Variants in LUZP2 observed in about 807,000 individuals in gnomAD.
The protein encoded by LUZP2 is leucine zipper protein 2.
LUZP2 carries 52 observed loss-of-function variants against 51.6 expected under a neutral mutation model. That is an observed-to-expected ratio of 1.01 (90% CI 0.81 to 1.27). The LOEUF is 1.27. LUZP2 is among the 50% of genes most tolerant of loss of function. The pLI is 0.00. For missense variants in LUZP2, 436 were observed against 395.4 expected (o/e 1.10, Z -0.87); for synonymous variants, 154 against 137.3 (o/e 1.12, Z -0.85).
chr11:24,977,672 T>A (rs1855916000), intron 8 of LUZP2, among the ~76,000 whole-genome samples: 1 of 151,628 alleles, frequency 6.6e-6, no homozygotes, highest in Non-Finnish European at 1.5e-5. Flanking sequence ...TACATATGTA[T>A]GTATACATAC....
At chr11:24,697,840 T>C (rs567838406) in intron 1 of LUZP2, among the ~76,000 whole-genome samples, 1 of 152,302 alleles carries the variant, frequency 6.6e-6, no homozygotes, top group South Asian at 2.1e-4. Flanking sequence ...AAGGTTGGTC[T>C]TGAGATATTT....
chr11:24,971,650 A>T (rs1420094950), intron 7 of LUZP2, among the ~76,000 whole-genome samples: 1 of 152,190 alleles, frequency 6.6e-6, no homozygotes, highest in Non-Finnish European at 1.5e-5. Flanking sequence ...TTAAAAAAAA[A>T]TTATAAAAAA....
chr11:24,519,512 T>A (rs1312843090), intron 1 of LUZP2, among the ~76,000 whole-genome samples: 1 of 152,208 alleles, frequency 6.6e-6, no homozygotes, highest in African/African-American at 2.4e-5. Flanking sequence ...TCTCCAGAAA[T>A]GAAATTGTGT....
chr11:25,057,680 G>A (rs1440882698), intron 10 of LUZP2, among the ~76,000 whole-genome samples: 3 of 152,050 alleles, frequency 2.0e-5, no homozygotes, highest in Non-Finnish European at 4.4e-5. Flanking sequence ...ACTCCTATAA[G>A]TAGCAAACAT....
intron 1 of LUZP2, among the ~76,000 whole-genome samples, chr11:24,627,589 A>T (rs534566106): frequency 2.0e-5 from 3 of 152,358 alleles, no homozygotes; most frequent in African/African-American, 7.2e-5. Flanking sequence ...GTAGAGGCAG[A>T]ACATGAAATC....
chr11:24,628,824 G>A (rs760429044), intron 1 of LUZP2, among the ~76,000 whole-genome samples: 15 of 152,216 alleles, frequency 9.9e-5, no homozygotes, highest in African/African-American at 3.6e-4. Flanking sequence ...CTCCCAAAAT[G>A]CTGGGATTAC....
At chr11:24,930,593 T>C (rs1416965833) in intron 7 of LUZP2, among the ~76,000 whole-genome samples, 1 of 152,188 alleles carries the variant, frequency 6.6e-6, no homozygotes, top group African/African-American at 2.4e-5. Flanking sequence ...AAGAAATCTG[T>C]TGTTAATCTG....
intron 9 of LUZP2, among the ~76,000 whole-genome samples, chr11:25,024,782 T>C (rs1005264172): frequency 6.7e-5 from 10 of 149,750 alleles, no homozygotes; most frequent in Admixed American, 4.0e-4. Flanking sequence ...CTTCACAGAA[T>C]TGGAAAAAAC....
At chr11:25,005,806 A>T (rs1030105979) in intron 9 of LUZP2, among the ~76,000 whole-genome samples, 1 of 152,236 alleles carries the variant, frequency 6.6e-6, no homozygotes, top group Middle Eastern at 3.4e-3. Flanking sequence ...GTCCTCTTAG[A>T]CCACAAAGAA....
At chr11:24,949,310 ATCTATCTATCTATCTATCTATCTC>A (rs779859929) in intron 7 of LUZP2, among the ~76,000 whole-genome samples, 2,772 of 123,216 alleles carry the variant, frequency 0.022, 35 homozygotes, top group Non-Finnish European at 0.029. Flanking sequence ...CTATCTATCT[ATCTATCTATCTATCTATCTATCTC>A]TCTATCTATC....
chr11:24,816,663 C>T (rs1011298785), intron 5 of LUZP2, among the ~76,000 whole-genome samples: 1 of 152,010 alleles, frequency 6.6e-6, no homozygotes, highest in Non-Finnish European at 1.5e-5. Flanking sequence ...AAATGTTTTA[C>T]AAACATTAGT....
intron 1 of LUZP2, among the ~76,000 whole-genome samples, chr11:24,596,655 T>G (rs2133853164): frequency 6.6e-6 from 1 of 152,276 alleles, no homozygotes; most frequent in East Asian, 1.9e-4. Flanking sequence ...ATAAAGACAG[T>G]GGCTGTAAGC....
At chr11:25,020,171 G>T (rs2133973067) in intron 9 of LUZP2, among the ~76,000 whole-genome samples, 1 of 152,052 alleles carries the variant, frequency 6.6e-6, no homozygotes, top group Middle Eastern at 3.4e-3. Context: ...ACCTTCTGAT[G>T]GTCACAGAAA....
At chr11:24,932,373 T>C (rs1339284511) in intron 7 of LUZP2, among the ~76,000 whole-genome samples, 2 of 152,106 alleles carry the variant, frequency 1.3e-5, no homozygotes, top group South Asian at 2.1e-4. Context: ...CACGAGATTA[T>C]GTACTTTGTC....
chr11:24,958,321 T>C (rs951515041), intron 7 of LUZP2, among the ~76,000 whole-genome samples: 1 of 152,230 alleles, frequency 6.6e-6, no homozygotes, highest in African/African-American at 2.4e-5. Flanking sequence ...CCCTGAGGAA[T>C]TGTCACACTG....
At chr11:24,877,712 C>T (rs910284783) in intron 5 of LUZP2, among the ~76,000 whole-genome samples, 2 of 152,182 alleles carry the variant, frequency 1.3e-5, no homozygotes, top group African/African-American at 2.4e-5. Context: ...TATTTTTGTA[C>T]TCATTAACCA....
intron 1 of LUZP2, among the ~76,000 whole-genome samples, chr11:24,502,399 T>TTTGA (rs1211312563): frequency 6.6e-6 from 1 of 151,922 alleles, no homozygotes; most frequent in African/African-American, 2.4e-5. Context: ...TGTTTGTTTG[T>TTTGA]TTTTGAGATG....
intron 7 of LUZP2, among the ~76,000 whole-genome samples, chr11:24,964,013 G>T (rs541066365): frequency 6.6e-6 from 1 of 152,280 alleles, no homozygotes; most frequent in African/African-American, 2.4e-5. Flanking sequence ...AAATCTTTTG[G>T]ATAAATGCCC....
At chr11:24,515,595 C>T (rs574830333) in intron 1 of LUZP2, among the ~76,000 whole-genome samples, 3 of 152,154 alleles carry the variant, frequency 2.0e-5, no homozygotes, top group Non-Finnish European at 2.9e-5. Flanking sequence ...TGTAAGGTGT[C>T]ACAGAAGTAA....
Sources: gnomAD v4.1 joint callset for allele counts (sites outside exome capture counted in the v4.1 genomes callset) on GRCh38, gnomAD v4.1.1 for gene constraint, MANE v1.5 for transcripts, NCBI Gene and HGNC (gene_info 2026-07-23, HGNC 2026-07-21) for gene names.